Variants in MAGI2 observed in about 807,000 individuals in gnomAD.
The protein encoded by MAGI2 is membrane associated guanylate kinase, WW and PDZ domain containing 2.
MAGI2 carries 35 observed loss-of-function variants against 133.3 expected under a neutral mutation model. The observed-to-expected ratio is 0.26, with a 90% CI of 0.20 to 0.35. The LOEUF (loss-of-function observed/expected upper bound fraction) is 0.35, where lower values mean the gene tolerates loss of function less well. Among genes scored for constraint, MAGI2 ranks in the 10% least tolerant of loss-of-function variants. The pLI is 1.00. For missense variants in MAGI2, 1,636 were observed against 1,863.4 expected (o/e 0.88, Z 2.25); for synonymous variants, 729 against 710.6 (o/e 1.03, Z -0.41).
At chr7:78,682,019 A>T (rs201426895) in intron 2 of MAGI2, among the ~76,000 whole-genome samples, 1 of 151,680 alleles carries the variant, frequency 6.6e-6, no homozygotes, top group African/African-American at 2.4e-5. Context: ...TAATCCTACA[A>T]TTTTTTTTAT....
chr7:78,639,055 T>C (rs1288068987), intron 2 of MAGI2, among the ~76,000 whole-genome samples: 1 of 152,166 alleles, frequency 6.6e-6, no homozygotes, highest in Non-Finnish European at 1.5e-5. Context: ...CTCTAAGCAA[T>C]GCAGACACAC....
In MAGI2 at chr7:78,209,148, G is replaced by T. The variant is rs1194549458; in HGVS notation, c.2048-7955C>A. On this transcript the variant is annotated intron_variant, in intron 10 of 21. Coordinates refer to ENST00000354212, the MANE Select transcript of MAGI2 (RefSeq NM_012301.4). ...GAGGCAGGAGAATGGCGTGAACCCGGGAGGCGGAGCTTGCAGTGAGCTGAG... is the reference window on the plus strand; with the variant it reads ...GAGGCAGGAGAATGGCGTGAACCCGTGAGGCGGAGCTTGCAGTGAGCTGAG... Among the ~76,000 whole-genome samples, 43 of 77,124 alleles carry T rather than the reference G, an allele frequency of 5.6e-4. 1 individual carries two copies. Among genetic ancestry groups the T allele is most frequent in the African/African-American group, 9.7e-4 (25 of 25,848 alleles). The allele number at this position is 77,124 out of a possible 152,430, so 50.6% of individuals were successfully genotyped here. A position where few individuals can be genotyped will look rare whatever the true frequency, so the allele number is the denominator to read the frequency against.
intron 9 of MAGI2, among the ~76,000 whole-genome samples, chr7:78,314,219 A>G (rs1349868618): frequency 6.6e-6 from 1 of 152,172 alleles, no homozygotes; most frequent in Admixed American, 6.6e-5. Flanking sequence ...GCCATATACT[A>G]TTTTGTTTGA....
chr7:79,052,280 G>A (rs1306613044), intron 1 of MAGI2, among the ~76,000 whole-genome samples: 2 of 152,270 alleles, frequency 1.3e-5, no homozygotes, highest in Middle Eastern at 3.4e-3. Context: ...GATCAAGTGG[G>A]ATCCCAATAA....
intron 6 of MAGI2, among the ~76,000 whole-genome samples, chr7:78,386,499 C>T (rs1286390779): frequency 6.6e-6 from 1 of 152,096 alleles, no homozygotes; most frequent in Admixed American, 6.6e-5. Flanking sequence ...AGCACTTCAC[C>T]CCAGTGAAAA....
chr7:78,941,563 T>C (rs2193713), intron 2 of MAGI2, among the ~76,000 whole-genome samples: 14,498 of 152,082 alleles, frequency 0.095, 1,584 homozygotes, highest in African/African-American at 0.24. Context: ...CTCGAACTCC[T>C]GGCCTCAAGC....
intron 1 of MAGI2, among the ~76,000 whole-genome samples, chr7:79,015,269 A>G (rs897357945): frequency 1.3e-5 from 2 of 152,064 alleles, no homozygotes; most frequent in Non-Finnish European, 2.9e-5. Flanking sequence ...AGCCTGGGCA[A>G]CACAGTAAGA....
At chr7:78,629,500 A>C (rs1204140447) in intron 2 of MAGI2, among the ~76,000 whole-genome samples, 1 of 152,084 alleles carries the variant, frequency 6.6e-6, no homozygotes, top group Admixed American at 6.5e-5. Flanking sequence ...CCTAACTACT[A>C]AAGGACTATG....
At chr7:79,153,415 A>G (rs1208332197) in intron 1 of MAGI2, among the ~76,000 whole-genome samples, 1 of 152,204 alleles carries the variant, frequency 6.6e-6, no homozygotes, top group Non-Finnish European at 1.5e-5. Flanking sequence ...CAAATAGATA[A>G]CTACAAATTG....
At chr7:78,531,666 A>G (rs1797485182) in intron 3 of MAGI2, among the ~76,000 whole-genome samples, 1 of 152,230 alleles carries the variant, frequency 6.6e-6, no homozygotes. Flanking sequence ...CATCTTAATT[A>G]AATTTACTTC....
intron 21 of MAGI2, among the ~76,000 whole-genome samples, chr7:78,038,628 AG>A (rs746059685): frequency 2.6e-5 from 4 of 152,314 alleles, no homozygotes; most frequent in Admixed American, 1.3e-4. Flanking sequence ...CAGGCTCCCC[AG>A]GGATTCACAT....
chr7:78,263,812 CA>C (rs1337727982), intron 9 of MAGI2, among the ~76,000 whole-genome samples: 19 of 152,168 alleles, frequency 1.2e-4, no homozygotes. Context: ...TCTAGCATGA[CA>C]TACGAGGCTC....
intron 6 of MAGI2, among the ~76,000 whole-genome samples, chr7:78,395,609 A>G (rs1192847000): frequency 1.3e-5 from 2 of 152,334 alleles, no homozygotes; most frequent in Admixed American, 1.3e-4. Context: ...TCTGTAATTC[A>G]GCAGTATAGA....
intron 3 of MAGI2, among the ~76,000 whole-genome samples, chr7:78,537,974 G>T (rs1462095934): frequency 6.6e-6 from 1 of 152,134 alleles, no homozygotes; most frequent in Non-Finnish European, 1.5e-5. Context: ...ATGGTTTGAG[G>T]TTTTAGATTT....
rs574797406 is a variant in MAGI2 at position 79,129,152 on chromosome 7, C to T, written c.302-121946G>A. ...AAAGTGCTGGGATTACAGGCGTGAG[C>T]CACCATGAGCCTAGGTCACCTCAAA... On this transcript the variant is annotated intron_variant, in intron 1 of 21. Transcript: ENST00000354212. Among the ~76,000 whole-genome samples, 7 of 152,270 alleles carry T rather than the reference C, an allele frequency of 4.6e-5. No individual in the cohort carries two copies. The South Asian group carries it at 1.5e-3, about 32-fold the overall frequency.
At chr7:79,150,399 C>G (rs1823087742) in intron 1 of MAGI2, among the ~76,000 whole-genome samples, 1 of 152,104 alleles carries the variant, frequency 6.6e-6, no homozygotes, top group South Asian at 2.1e-4. Context: ...AATATCTTCC[C>G]TCCATAGACG....
chr7:79,402,152 T>G (rs1360670749), intron 1 of MAGI2, among the ~76,000 whole-genome samples: 3 of 152,150 alleles, frequency 2.0e-5, no homozygotes, highest in Non-Finnish European at 4.4e-5. Context: ...TTTAAGGCTC[T>G]ATAGTTCTAG....
intron 1 of MAGI2, chr7:79,011,951 C>CTT (rs1446249283): frequency 1.0e-5 from 1 of 96,800 alleles, no homozygotes; most frequent in African/African-American, 4.3e-5. Flanking sequence ...CTTTCTTTCT[C>CTT]TGTTCTTTCT....
At chr7:78,889,936 A>G (rs1405617599) in intron 2 of MAGI2, among the ~76,000 whole-genome samples, 4 of 152,228 alleles carry the variant, frequency 2.6e-5, no homozygotes, top group Non-Finnish European at 4.4e-5. Context: ...AGACTGGCAA[A>G]TTGGATAAAG....
Sources: allele counts gnomAD v4.1 joint callset (sites outside exome capture counted in the v4.1 genomes callset), GRCh38; gene constraint gnomAD v4.1.1; transcripts MANE v1.5; gene names NCBI Gene and HGNC (gene_info 2026-07-23, HGNC 2026-07-21).